Variants in ARHGEF9 observed in about 807,000 individuals in gnomAD.
ARHGEF9 encodes rho guanine nucleotide exchange factor 9.
Under a neutral mutation model 41.3 loss-of-function variants are expected in ARHGEF9, and 2 were observed. That is an observed-to-expected ratio of 0.05 (90% CI 0.02 to 0.15). ARHGEF9 has a LOEUF of 0.15. ARHGEF9 is among the 10% of genes least tolerant of loss of function. The pLI is 1.00. For missense variants in ARHGEF9, 225 were observed against 424.7 expected (o/e 0.53, Z 4.13); for synonymous variants, 160 against 154.4 (o/e 1.04, Z -0.27).
At chrX:63,774,748 C>G (rs1556457103) in intron 1 of ARHGEF9, among the ~76,000 whole-genome samples, 2 of 111,744 alleles carry the variant, frequency 1.8e-5, no homozygotes, top group East Asian at 5.6e-4. Flanking sequence ...AAACACTATT[C>G]TGGACATAGG....
chrX:63,710,435 A>C (rs1248107717), intron 2 of ARHGEF9, among the ~76,000 whole-genome samples: 4 of 111,009 alleles, frequency 3.6e-5, no homozygotes, highest in African/African-American at 1.3e-4. Context: ...TCAATAAAAT[A>C]CTAGCAAACC....
intron 1 of ARHGEF9, chrX:63,767,019 G>C (rs1443457708): frequency 1.2e-5 from 10 of 821,907 alleles, no homozygotes; most frequent in African/African-American, 6.1e-5. Context: ...GGTAAACACT[G>C]TCTCTGGTAT....
chrX:63,652,204 G>C (rs1353424086), intron 8 of ARHGEF9, among the ~76,000 whole-genome samples: 1 of 111,522 alleles, frequency 9.0e-6, no homozygotes, highest in Non-Finnish European at 1.9e-5. Flanking sequence ...TCTGTAGTGG[G>C]AAATAAAGCT....
chrX:63,743,218 A>AAACG (rs2055066935), intron 1 of ARHGEF9, among the ~76,000 whole-genome samples: 1 of 63,192 alleles, frequency 1.6e-5, no homozygotes, highest in African/African-American at 5.7e-5. Flanking sequence ...ATAAACAAAC[A>AAACG]ACAACAACAA....
chrX:63,671,049 G>A (rs2049926639), intron 6 of ARHGEF9, among the ~76,000 whole-genome samples: 1 of 112,400 alleles, frequency 8.9e-6, no homozygotes, highest in Non-Finnish European at 1.9e-5. Flanking sequence ...AGCTCTGAAG[G>A]TTTCCCCTAT....
chrX:63,768,107 A>G (rs1556452739), intron 1 of ARHGEF9, among the ~76,000 whole-genome samples: 1 of 111,909 alleles, frequency 8.9e-6, no homozygotes, highest in East Asian at 2.8e-4. Flanking sequence ...TGTACCCAAT[A>G]TGTAGTTTTT....
At chrX:63,739,896 G>C (rs2054845840) in intron 1 of ARHGEF9, among the ~76,000 whole-genome samples, 1 of 112,123 alleles carries the variant, frequency 8.9e-6, no homozygotes, top group Admixed American at 9.4e-5. Flanking sequence ...CCACAGACCA[G>C]AAAACTGAGG....
At chrX:63,672,486 T>C (rs2050021851) in intron 6 of ARHGEF9, among the ~76,000 whole-genome samples, 2 of 110,936 alleles carry the variant, frequency 1.8e-5, no homozygotes, top group South Asian at 7.7e-4. Flanking sequence ...CAGACATACA[T>C]GCAGGAAATT....
chrX:63,763,547 G>A (rs2056068740), intron 1 of ARHGEF9, among the ~76,000 whole-genome samples: 2 of 104,799 alleles, frequency 1.9e-5, no homozygotes, highest in Non-Finnish European at 3.9e-5. Flanking sequence ...AAGAATACAG[G>A]CTCTAGAACC....
At chrX:63,659,766 C>T (rs1179107598) in intron 7 of ARHGEF9, among the ~76,000 whole-genome samples, 1 of 111,509 alleles carries the variant, frequency 9.0e-6, no homozygotes, top group Non-Finnish European at 1.9e-5. Context: ...ATAATAGCAA[C>T]AGTGACCCCT....
intron 1 of ARHGEF9, chrX:63,727,090 C>T (rs2054014304): frequency 9.0e-6 from 1 of 111,676 alleles, no homozygotes; most frequent in Non-Finnish European, 1.9e-5. Context: ...TCAGTAAGCA[C>T]ATACAGCCCC....
At chrX:63,723,039 T>G (rs1556414683) in intron 2 of ARHGEF9, 1 of 111,775 alleles carries the variant, frequency 8.9e-6, no homozygotes, top group Non-Finnish European at 1.9e-5. Flanking sequence ...TTTCTGGATT[T>G]TTTACCTTGA....
chrX:63,696,560 C>T (rs2051763869), intron 4 of ARHGEF9, among the ~76,000 whole-genome samples: 1 of 112,058 alleles, frequency 8.9e-6, no homozygotes, highest in Non-Finnish European at 1.9e-5. Flanking sequence ...TCTCCAGTGC[C>T]CTTCCCATAA....
At chrX:63,641,478 A>C (rs1556306031) in intron 9 of ARHGEF9, 1 of 111,910 alleles carries the variant, frequency 8.9e-6, no homozygotes, top group African/African-American at 3.3e-5. Flanking sequence ...GGGAGACAAG[A>C]AAGGCCCTAA....
chrX:63,680,405 T>C (rs2050546111), intron 4 of ARHGEF9, among the ~76,000 whole-genome samples: 1 of 112,275 alleles, frequency 8.9e-6, no homozygotes, highest in African/African-American at 3.2e-5. Context: ...GTGTCCTACA[T>C]ACAGGGAGGA....
chrX:63,743,018 T>C (rs1283587949), intron 1 of ARHGEF9, among the ~76,000 whole-genome samples: 1 of 111,745 alleles, frequency 8.9e-6, no homozygotes, highest in Admixed American at 9.5e-5. Context: ...GGTGGATCAC[T>C]TGAGGTCAGG....
chrX:63,649,229 A>G (rs1266140864), intron 8 of ARHGEF9, among the ~76,000 whole-genome samples: 2 of 111,753 alleles, frequency 1.8e-5, no homozygotes, highest in Non-Finnish European at 3.8e-5. Flanking sequence ...CAGAAATTAT[A>G]ACAAACTGTC....
chrX:63,767,418 A>T (rs2056129918), intron 1 of ARHGEF9: 2 of 379,007 alleles, frequency 5.3e-6, no homozygotes, highest in South Asian at 2.9e-5. Context: ...CTTTTAAAAA[A>T]TTTTTGTTTA....
intron 1 of ARHGEF9, among the ~76,000 whole-genome samples, chrX:63,725,314 T>C (rs1231570148): frequency 1.8e-5 from 2 of 111,490 alleles, no homozygotes; most frequent in African/African-American, 6.5e-5. Context: ...GAATATGGCT[T>C]TCTGTGATGC....
Sources: gnomAD v4.1 joint callset for allele counts (sites outside exome capture counted in the v4.1 genomes callset) on GRCh38, gnomAD v4.1.1 for gene constraint, MANE v1.5 for transcripts, NCBI Gene and HGNC (gene_info 2026-07-23, HGNC 2026-07-21) for gene names.